ADARB2: variants seen among roughly 807,000 people sequenced by gnomAD.
ADARB2 encodes adenosine deaminase RNA specific B2 (inactive), also known as inactive double-stranded RNA-specific editase B2.
A neutral mutation model predicts 62.2 loss-of-function variants in ADARB2; 25 were observed. The ratio of observed to expected loss-of-function variants is 0.40; its 90% CI spans 0.29 to 0.56. The LOEUF is 0.56. Among genes scored for constraint, ADARB2 ranks in the 20% least tolerant of loss-of-function variants. The probability of loss-of-function intolerance (pLI) is 0.43; values close to 1 mark genes in which losing one functional copy is unlikely to be tolerated. For synonymous variants in ADARB2, 572 were observed against 500.8 expected, an observed-to-expected ratio of 1.14 and a Z score of -1.90; for missense variants, 1,071 against 1,077.4, an observed-to-expected ratio of 0.99 and a Z score of 0.08.
intron 1 of ADARB2, among the ~76,000 whole-genome samples, chr10:1,518,996 A>G (rs1341422881): frequency 1.3e-5 from 2 of 151,946 alleles, no homozygotes; most frequent in Non-Finnish European, 2.9e-5. Context: ...ATATGCCTGC[A>G]TTCCATGTAA....
intron 1 of ADARB2, among the ~76,000 whole-genome samples, chr10:1,591,179 A>G (rs1048504473): frequency 6.6e-6 from 1 of 151,908 alleles, no homozygotes; most frequent in Non-Finnish European, 1.5e-5. Flanking sequence ...CAGGTTATGG[A>G]CTCCGCCTGA....
chr10:1,247,455 T>C (rs983635197), intron 4 of ADARB2, among the ~76,000 whole-genome samples: 4 of 152,220 alleles, frequency 2.6e-5, no homozygotes, highest in African/African-American at 4.8e-5. Context: ...AGTATGATAT[T>C]GGCTGTGGGT....
intron 1 of ADARB2, among the ~76,000 whole-genome samples, chr10:1,524,739 G>A (rs753199547): frequency 6.6e-6 from 1 of 152,102 alleles, no homozygotes; most frequent in Non-Finnish European, 1.5e-5. Flanking sequence ...GAGTGCACAC[G>A]CGCGTGTGTT....
chr10:1,475,065 G>A (rs1404809305), intron 1 of ADARB2, among the ~76,000 whole-genome samples: 5 of 152,132 alleles, frequency 3.3e-5, no homozygotes, highest in Non-Finnish European at 7.4e-5. Context: ...AGAGCAGCGG[G>A]TGCCAGCAGG....
chr10:1,205,922 C>T (rs11250330), intron 7 of ADARB2, among the ~76,000 whole-genome samples: 10 of 102,572 alleles, frequency 9.7e-5, no homozygotes, highest in South Asian at 4.1e-4. Flanking sequence ...GTGGAGGTCA[C>T]GGGGCAGCCC....
At chr10:1,441,793 T>C (rs1193455043) in intron 1 of ADARB2, among the ~76,000 whole-genome samples, 1 of 152,246 alleles carries the variant, frequency 6.6e-6, no homozygotes, top group African/African-American at 2.4e-5. Flanking sequence ...AGGATATTCA[T>C]CTCTGTATTT....
chr10:1,622,960 A>T (rs973548442), intron 1 of ADARB2, among the ~76,000 whole-genome samples: 25 of 152,080 alleles, frequency 1.6e-4, no homozygotes, highest in African/African-American at 6.0e-4. Flanking sequence ...AACAACAGGA[A>T]CTCTATCCAA....
At chr10:1,549,183 A>G (rs978325537) in intron 1 of ADARB2, among the ~76,000 whole-genome samples, 5 of 28,562 alleles carry the variant, frequency 1.8e-4, no homozygotes, top group African/African-American at 5.1e-4. Flanking sequence ...CTCTCACTGA[A>G]AGGTGGAGTG....
intron 2 of ADARB2, 59 bp downstream of exon 2, chr10:1,379,015 G>A: frequency 1.4e-6 from 2 of 1,473,474 alleles, no homozygotes; most frequent in South Asian, 1.1e-5. Flanking sequence ...GACTGCAGGG[G>A]ACCCCTGCAC....
intron 1 of ADARB2, among the ~76,000 whole-genome samples, chr10:1,464,348 C>T (rs1371984257): frequency 4.9e-5 from 7 of 142,022 alleles, no homozygotes; most frequent in African/African-American, 1.9e-4. Context: ...CCCCCACACA[C>T]GCGCGGGGGC....
At chr10:1,603,882 A>C (rs1349649229) in intron 1 of ADARB2, among the ~76,000 whole-genome samples, 2 of 152,016 alleles carry the variant, frequency 1.3e-5, no homozygotes, top group South Asian at 2.1e-4. Context: ...AGCTCACTGC[A>C]ACCTCTCTGC....
intron 4 of ADARB2, among the ~76,000 whole-genome samples, chr10:1,253,248 C>A (rs576979151): frequency 6.6e-6 from 1 of 152,378 alleles, no homozygotes; most frequent in South Asian, 2.1e-4. Flanking sequence ...GTTTTTCCAT[C>A]TGCAACCAGG....
chr10:1,633,600 CTAT>C (rs1564353197), intron 1 of ADARB2, among the ~76,000 whole-genome samples: 19 of 135,158 alleles, frequency 1.4e-4, no homozygotes, highest in African/African-American at 3.8e-4. Context: ...ATCTATCTAT[CTAT>C]CTATCTATCC....
intron 1 of ADARB2, among the ~76,000 whole-genome samples, chr10:1,583,357 A>G (rs545415905): frequency 6.6e-6 from 1 of 152,352 alleles, no homozygotes; most frequent in African/African-American, 2.4e-5. Flanking sequence ...TTTTACAGAT[A>G]GCTTTCAAGT....
At chr10:1,518,149 C>T (rs1221168614) in intron 1 of ADARB2, among the ~76,000 whole-genome samples, 4 of 152,290 alleles carry the variant, frequency 2.6e-5, no homozygotes, top group Admixed American at 6.5e-5. Flanking sequence ...GCAGCGAGAG[C>T]GATGGATCCG....
At position 1,544,020 on chromosome 10, in the gene ADARB2, A is replaced by AC. The variant is rs1267742520; in HGVS notation, c.101-164861_101-164860insG. Among the ~76,000 whole-genome samples the AC allele has an allele frequency of 2.0e-4, 14 of 70,320 alleles. 1 individual carries two copies. The highest frequency in any genetic ancestry group is 3.7e-4 in the Non-Finnish European group (9 of 24,430). The allele number at this position is 70,320 out of a possible 152,430, so 46.1% of individuals were successfully genotyped here. On this transcript the variant is annotated intron_variant, in intron 1 of 9. Coordinates refer to ENST00000381312, the MANE Select transcript of ADARB2 (RefSeq NM_018702.4). Reference sequence around the variant, plus strand: ...GACCAAAAAAAAAAAAAAACAAACAAAAAAAAAAACACACAAAATGGTGAC... The same window carrying AC: ...GACCAAAAAAAAAAAAAAACAAACAACAAAAAAAAACACACAAAATGGTGAC...
chr10:1,195,389 GT>G (rs377144803), intron 8 of ADARB2, among the ~76,000 whole-genome samples: 14 of 103,676 alleles, frequency 1.4e-4, no homozygotes, highest in African/African-American at 6.0e-4. Context: ...GCTGTACACA[GT>G]TTTTTTTTTG....
In ADARB2 at chr10:1,192,017, T is replaced by C. The variant is rs575444879; in HGVS notation, c.1865-6978A>G. 4.6e-5 allele frequency among the ~76,000 whole-genome samples: 7 copies of C among 152,336 alleles called. No homozygotes were observed. The South Asian group carries it at 1.5e-3, about 32-fold the overall frequency. On this transcript the variant is annotated intron_variant, in intron 8 of 9. Coordinates refer to ENST00000381312, the MANE Select transcript of ADARB2 (RefSeq NM_018702.4). ...GGTGGGGGTGAATCCACAACTCATC[T>C]ATGAAAGTGAGTTTTACTGTGGCTC... is the stretch of plus-strand genomic sequence containing the variant.
intron 1 of ADARB2, among the ~76,000 whole-genome samples, chr10:1,518,952 T>C (rs576385080): frequency 2.9e-4 from 44 of 152,044 alleles, no homozygotes; most frequent in African/African-American, 9.9e-4. Context: ...GTCATACGCA[T>C]GCATTCCACG....
Sources: gnomAD v4.1 joint callset for allele counts (sites outside exome capture counted in the v4.1 genomes callset) on GRCh38, gnomAD v4.1.1 for gene constraint, MANE v1.5 for transcripts, NCBI Gene and HGNC (gene_info 2026-07-23, HGNC 2026-07-21) for gene names.